CNTN5: variants seen among roughly 807,000 people sequenced by gnomAD.
CNTN5 encodes contactin-5.
Under a neutral mutation model 129.1 loss-of-function variants are expected in CNTN5, and 77 were observed. The observed-to-expected ratio is 0.60, with a 90% CI of 0.50 to 0.72. The LOEUF is 0.72. CNTN5 is among the 30% of genes least tolerant of loss of function. The pLI, the probability that CNTN5 is intolerant of heterozygous loss-of-function variation, is 0.00. For synonymous variants in CNTN5, 509 were observed against 465.6 expected (o/e 1.09, Z -1.20); for missense variants, 1,478 against 1,328.8 (o/e 1.11, Z -1.75).
rs74866969 is a variant in CNTN5, at chr11:99,130,991, G to A, written c.-210+109721G>A. ...AAGAGGGAAATTTATGGCTGGGTGC[G>A]GTGGCTCACCCCTGTAATCCCAGCA... On this transcript the variant is annotated intron_variant, in intron 1 of 24. Transcript: ENST00000524871. 1.3e-3 allele frequency among the ~76,000 whole-genome samples: 201 copies of A among 152,096 alleles called. 4 individuals carry two copies. In the East Asian group the frequency reaches 0.033, roughly 25 times the overall value.
At chr11:100,164,644 C>T (rs1259124593) in intron 13 of CNTN5, among the ~76,000 whole-genome samples, 1 of 151,554 alleles carries the variant, frequency 6.6e-6, no homozygotes, top group South Asian at 2.1e-4. Flanking sequence ...AGTTGTATTT[C>T]AATAACAGAA....
At chr11:99,579,102 G>T (rs1359159329) in intron 3 of CNTN5, among the ~76,000 whole-genome samples, 4 of 151,796 alleles carry the variant, frequency 2.6e-5, no homozygotes, top group African/African-American at 7.3e-5. Context: ...TTTCCCCATT[G>T]CTTGTTTTTG....
chr11:99,222,222 TATAG>T (rs1267396478), intron 1 of CNTN5, among the ~76,000 whole-genome samples: 1 of 151,898 alleles, frequency 6.6e-6, no homozygotes, highest in East Asian at 1.9e-4. Flanking sequence ...TTTATAGACA[TATAG>T]ATTATATCCA....
At chr11:99,262,778 T>C (rs1862702831) in intron 1 of CNTN5, among the ~76,000 whole-genome samples, 2 of 152,054 alleles carry the variant, frequency 1.3e-5, no homozygotes, top group Non-Finnish European at 2.9e-5. Flanking sequence ...AATTCTTTTA[T>C]TTAAAATATT....
chr11:99,998,257 C>G (rs1939594308), intron 8 of CNTN5, among the ~76,000 whole-genome samples: 1 of 152,028 alleles, frequency 6.6e-6, no homozygotes, highest in South Asian at 2.1e-4. Flanking sequence ...CAGAAAACCC[C>G]ATCATCTCAG....
At chr11:100,087,486 A>G (rs552382212) in intron 13 of CNTN5, among the ~76,000 whole-genome samples, 1 of 152,010 alleles carries the variant, frequency 6.6e-6, no homozygotes, top group African/African-American at 2.4e-5. Context: ...AAAATTTGCC[A>G]AAGACAATAT....
At chr11:100,304,602 A>C (rs1951304794) in intron 20 of CNTN5, among the ~76,000 whole-genome samples, 1 of 151,618 alleles carries the variant, frequency 6.6e-6, no homozygotes, top group Non-Finnish European at 1.5e-5. Flanking sequence ...TGGGGAGCCC[A>C]ACACAAACAT....
intron 2 of CNTN5, among the ~76,000 whole-genome samples, chr11:99,518,474 T>C (rs1290575336): frequency 2.0e-5 from 3 of 152,154 alleles, no homozygotes; most frequent in Admixed American, 6.6e-5. Flanking sequence ...CTTCAAGCTC[T>C]TGTGAAACTC....
intron 16 of CNTN5, among the ~76,000 whole-genome samples, chr11:100,225,923 A>G (rs534585151): frequency 6.6e-6 from 1 of 152,168 alleles, no homozygotes; most frequent in Admixed American, 6.5e-5. Flanking sequence ...TATATATATC[A>G]CCGAATGTAT....
At chr11:99,126,845 C>T (rs1405356181) in intron 1 of CNTN5, among the ~76,000 whole-genome samples, 1 of 152,136 alleles carries the variant, frequency 6.6e-6, no homozygotes, top group Non-Finnish European at 1.5e-5. Context: ...TTATCTTCCA[C>T]TGGATGTCAG....
chr11:99,080,636 C>A (rs188600683), intron 1 of CNTN5, among the ~76,000 whole-genome samples: 2 of 152,266 alleles, frequency 1.3e-5, no homozygotes, highest in East Asian at 3.9e-4. Flanking sequence ...AAGTCACAAC[C>A]ATTTTTGGAC....
intron 3 of CNTN5, among the ~76,000 whole-genome samples, chr11:99,658,922 A>G (rs549656065): frequency 2.7e-5 from 4 of 150,806 alleles, no homozygotes; most frequent in East Asian, 3.9e-4. Context: ...GAAAAATATA[A>G]TGAGTGCCAT....
chr11:99,031,744 T>G lies in CNTN5; in HGVS notation c.-210+10474T>G, dbSNP rs547783980. Among the ~76,000 whole-genome samples, 8 of 152,060 alleles carry G rather than the reference T, an allele frequency of 5.3e-5. No individual in the cohort carries two copies. In the East Asian group the frequency reaches 1.5e-3, roughly 29 times the overall value. ...AGATAATAGTTCTTAAGATCTAAAT[T>G]CATGGCTTAGTTTTTCTTTCTTTTT... On this transcript the variant is annotated intron_variant, in intron 1 of 24. Coordinates refer to ENST00000524871, the MANE Select transcript of CNTN5 (RefSeq NM_014361.4).
At chr11:99,050,933 C>T (rs1347382524) in intron 1 of CNTN5, among the ~76,000 whole-genome samples, 2 of 151,804 alleles carry the variant, frequency 1.3e-5, no homozygotes, top group Non-Finnish European at 1.5e-5. Context: ...CATATGTATA[C>T]ATTAATGTCC....
intron 2 of CNTN5, among the ~76,000 whole-genome samples, chr11:99,376,422 T>C (rs1940183163): frequency 6.6e-6 from 1 of 152,186 alleles, no homozygotes; most frequent in African/African-American, 2.4e-5. Flanking sequence ...AGTGACGTGG[T>C]ATTCTCTTGG....
chr11:100,208,201 C>T (rs1948953865), intron 15 of CNTN5, among the ~76,000 whole-genome samples: 1 of 152,122 alleles, frequency 6.6e-6, no homozygotes, highest in African/African-American at 2.4e-5. Flanking sequence ...ATTTTCACTA[C>T]AAAATAAACC....
intron 3 of CNTN5, among the ~76,000 whole-genome samples, chr11:99,612,387 C>T (rs971117951): frequency 6.6e-6 from 1 of 152,062 alleles, no homozygotes; most frequent in Non-Finnish European, 1.5e-5. Context: ...TCCCTCTGAC[C>T]CCATCTTCCT....
At chr11:99,847,723 G>T (rs1947745690) in intron 6 of CNTN5, among the ~76,000 whole-genome samples, 1 of 152,098 alleles carries the variant, frequency 6.6e-6, no homozygotes, top group Non-Finnish European at 1.5e-5. Context: ...ATGCAAATAT[G>T]GGCAGTAGGG....
chr11:99,175,856 T>C (rs952359727), intron 1 of CNTN5, among the ~76,000 whole-genome samples: 3 of 152,080 alleles, frequency 2.0e-5, no homozygotes, highest in African/African-American at 7.2e-5. Context: ...ATTATGAATT[T>C]GGATGAATAA....
Sources: allele counts gnomAD v4.1 joint callset (sites outside exome capture counted in the v4.1 genomes callset), GRCh38; gene constraint gnomAD v4.1.1; transcripts MANE v1.5; gene names NCBI Gene and HGNC (gene_info 2026-07-23, HGNC 2026-07-21).